The following PRIMPOL variants were observed in gnomAD, a reference collection of about 807,000 sequenced individuals.
PRIMPOL encodes the protein DNA-directed primase/polymerase protein.
A neutral mutation model predicts 63.6 loss-of-function variants in PRIMPOL; 54 were observed. That is an observed-to-expected ratio of 0.85 (90% CI 0.68 to 1.07). The LOEUF (loss-of-function observed/expected upper bound fraction) is 1.07, where lower values mean the gene tolerates loss of function less well. Among genes scored for constraint, PRIMPOL ranks in the 50% least tolerant of loss-of-function variants. The pLI, the probability that PRIMPOL is intolerant of heterozygous loss-of-function variation, is 0.00. For missense variants in PRIMPOL, 610 were observed against 648.3 expected, an observed-to-expected ratio of 0.94 and a Z score of 0.64; for synonymous variants, 197 against 220.2, an observed-to-expected ratio of 0.89 and a Z score of 0.93.
intron 5 of PRIMPOL, among the ~76,000 whole-genome samples, chr4:184,664,267 A>G (rs1254116537): frequency 1.3e-5 from 2 of 152,252 alleles, no homozygotes; most frequent in African/African-American, 4.8e-5. Flanking sequence ...AATAGTTTTT[A>G]GTCCCTACTA....
intron 2 of PRIMPOL, among the ~76,000 whole-genome samples, chr4:184,655,950 A>G (rs1746312093): frequency 6.6e-6 from 1 of 152,164 alleles, no homozygotes; most frequent in Admixed American, 6.5e-5. Context: ...CAAAACAACC[A>G]AATTTATTTT....
At chr4:184,670,928 A>T (rs2150086259) in intron 6 of PRIMPOL, among the ~76,000 whole-genome samples, 1 of 152,332 alleles carries the variant, frequency 6.6e-6, no homozygotes, top group East Asian at 1.9e-4. Context: ...TAAGGGCCCA[A>T]GCTTTCTGGT....
chr4:184,669,351 C>G (rs1750934623), intron 6 of PRIMPOL, among the ~76,000 whole-genome samples: 2 of 152,222 alleles, frequency 1.3e-5, no homozygotes, highest in Admixed American at 1.3e-4. Flanking sequence ...CTGACTCCAG[C>G]CCCCGTGCTC....
At chr4:184,688,011 A>G (rs1757445163) in intron 11 of PRIMPOL, among the ~76,000 whole-genome samples, 1 of 152,202 alleles carries the variant, frequency 6.6e-6, no homozygotes, top group Non-Finnish European at 1.5e-5. Context: ...ACGTTGCAGT[A>G]TGTAGCTGTT....
chr4:184,692,997 T>G (rs1185165232), intron 13 of PRIMPOL, among the ~76,000 whole-genome samples: 1 of 152,126 alleles, frequency 6.6e-6, no homozygotes, highest in Non-Finnish European at 1.5e-5. Context: ...AAATTGTAGT[T>G]TGTGTTTTGT....
intron 13 of PRIMPOL, 141 bp from the exon 14 acceptor site, chr4:184,694,381 G>A (rs932598278): frequency 1.8e-5 from 25 of 1,413,594 alleles, no homozygotes; most frequent in African/African-American, 5.8e-5. Context: ...GTGAGATATC[G>A]GAGACAGCAT....
intron 7 of PRIMPOL, among the ~76,000 whole-genome samples, chr4:184,673,091 C>A (rs1752256590): frequency 6.6e-6 from 1 of 151,688 alleles, no homozygotes; most frequent in African/African-American, 2.4e-5. Context: ...GAGGCTCTAG[C>A]TTGTGATTTC....
At chr4:184,668,787 C>T (rs72689254) in intron 6 of PRIMPOL, among the ~76,000 whole-genome samples, 19,808 of 152,076 alleles carry the variant, frequency 0.13, 1,382 homozygotes, top group Middle Eastern at 0.17. Flanking sequence ...CTCCTCTATT[C>T]TACTTAATGT....
chr4:184,651,290 C>CAAAAAAAGA (rs1744364030), intron 1 of PRIMPOL, among the ~76,000 whole-genome samples: 1 of 143,932 alleles, frequency 6.9e-6, no homozygotes, highest in African/African-American at 2.8e-5. Context: ...GACTCTGTCT[C>CAAAAAAAGA]AAAAAAAAGA....
chr4:184,677,935 G>C (rs1333771501), intron 7 of PRIMPOL, among the ~76,000 whole-genome samples: 2 of 152,160 alleles, frequency 1.3e-5, no homozygotes, highest in Non-Finnish European at 2.9e-5. Flanking sequence ...CAGCTTCACT[G>C]TCTTGGAAGC....
In PRIMPOL at chr4:184,668,495, C is replaced by G. The variant is rs576740943; in HGVS notation, c.556+2431C>G. ...CGCTGTGCTCCAGCCTCATCTTCTG[C>G]CACCCTGCCCTTTGCATTCAGCTCC... On this transcript the variant is annotated intron_variant, in intron 6 of 13. Coordinates refer to ENST00000314970, the MANE Select transcript of PRIMPOL (RefSeq NM_152683.4). Among the ~76,000 whole-genome samples the G allele has an allele frequency of 2.6e-5, 4 of 152,240 alleles. No individual in the cohort carries two copies. In the East Asian group the frequency reaches 5.8e-4, roughly 22 times the overall value.
At position 184,685,688 on chromosome 4, in the gene PRIMPOL, A is replaced by C; in HGVS notation, c.1295+4A>C. 1.4e-5 allele frequency: 17 copies of C among 1,256,074 alleles called. No individual in the cohort carries two copies. The highest frequency in any genetic ancestry group is 1.8e-5 in the Non-Finnish European group (16 of 873,174). The allele number at this position is 1,256,074 out of a possible 1,614,324, so 77.8% of individuals were successfully genotyped here. The stretch of plus-strand genomic sequence containing the variant: ...CCCATAAGAGTAATAATATAATGTA[A>C]GTAATATTAATGATTTGTGTGTATT... On this transcript the variant is annotated splice_donor_region_variant and intron_variant, in intron 11 of 13. Coordinates refer to ENST00000314970, the MANE Select transcript of PRIMPOL (RefSeq NM_152683.4).
chr4:184,692,490 A>G (rs199652486), intron 13 of PRIMPOL, among the ~76,000 whole-genome samples: 52 of 149,678 alleles, frequency 3.5e-4, no homozygotes, highest in African/African-American at 4.7e-4. Flanking sequence ...AAAAAAAAAA[A>G]AAAGAAAGAA....
intron 2 of PRIMPOL, among the ~76,000 whole-genome samples, chr4:184,652,457 G>A (rs1441409946): frequency 6.6e-6 from 1 of 151,898 alleles, no homozygotes; most frequent in African/African-American, 2.4e-5. Flanking sequence ...TCCTTAAAGA[G>A]GATTTGGGGA....
intron 11 of PRIMPOL, among the ~76,000 whole-genome samples, chr4:184,688,923 A>G (rs1478192519): frequency 6.6e-6 from 1 of 152,098 alleles, no homozygotes; most frequent in Non-Finnish European, 1.5e-5. Context: ...ATTTCAAACA[A>G]CTTGGTAAGT....
chr4:184,684,399 T>G (rs556723688), intron 9 of PRIMPOL, among the ~76,000 whole-genome samples: 4 of 151,028 alleles, frequency 2.6e-5, no homozygotes, highest in African/African-American at 9.8e-5. Flanking sequence ...GAGCTTGCAG[T>G]GAGCCGAGAT....
At chr4:184,658,035 T>TAAATAAATAAAA (rs1553988171) in intron 3 of PRIMPOL, among the ~76,000 whole-genome samples, 6,997 of 147,092 alleles carry the variant, frequency 0.048, 256 homozygotes, top group Middle Eastern at 0.069. Context: ...AATAAATAAA[T>TAAATAAATAAAA]ATCACTAAAT....
chr4:184,654,868 A>T (rs1225528631), intron 2 of PRIMPOL, among the ~76,000 whole-genome samples: 1 of 152,164 alleles, frequency 6.6e-6, no homozygotes, highest in Non-Finnish European at 1.5e-5. Flanking sequence ...TCTGTTTCCT[A>T]GTATATACTT....
At position 184,691,648 on chromosome 4, in the gene PRIMPOL, G is replaced by C. The variant is rs754624342; in HGVS notation, c.1379-18G>C. On this transcript the variant is annotated intron_variant, in intron 12 of 13. Transcript: ENST00000314970. ...GATAACTGTAATATGTAATAGTTTT[G>C]CTATCTTTCTGATTCAGGTTTCCCA... The C allele has an allele frequency of 6.2e-7, 1 of 1,609,244 alleles. No homozygotes were observed. The highest frequency in any genetic ancestry group is 8.5e-7 in the Non-Finnish European group (1 of 1,176,062).
Sources: allele counts gnomAD v4.1 joint callset (sites outside exome capture counted in the v4.1 genomes callset), GRCh38; gene constraint gnomAD v4.1.1; transcripts MANE v1.5; gene names NCBI Gene and HGNC (gene_info 2026-07-23, HGNC 2026-07-21).